The following AGBL4 variants were observed in gnomAD, a reference collection of about 807,000 sequenced individuals.
AGBL4 encodes the protein AGBL carboxypeptidase 4.
A neutral mutation model predicts 66.4 loss-of-function variants in AGBL4; 58 were observed. That is an observed-to-expected ratio of 0.87 (90% CI 0.71 to 1.09). The LOEUF (loss-of-function observed/expected upper bound fraction) is 1.09. Among genes scored for constraint, AGBL4 ranks in the 50% least tolerant of loss-of-function variants. The probability of loss-of-function intolerance (pLI) is 0.00; values close to 1 mark genes in which losing one functional copy is unlikely to be tolerated. For synonymous variants in AGBL4, 234 were observed against 222.9 expected, an observed-to-expected ratio of 1.05 and a Z score of -0.44; for missense variants, 579 against 631.0, an observed-to-expected ratio of 0.92 and a Z score of 0.88.
intron 5 of AGBL4, among the ~76,000 whole-genome samples, chr1:48,917,297 A>C (rs1340006422): frequency 6.6e-6 from 1 of 152,142 alleles, no homozygotes; most frequent in Non-Finnish European, 1.5e-5. Flanking sequence ...ATAATTAAAT[A>C]AAATTAATTT....
chr1:49,610,801 T>C (rs978634540), intron 3 of AGBL4, among the ~76,000 whole-genome samples: 2 of 152,204 alleles, frequency 1.3e-5, no homozygotes, highest in African/African-American at 4.8e-5. Flanking sequence ...CAGTCTAAGA[T>C]ATTTTGTTAT....
intron 4 of AGBL4, among the ~76,000 whole-genome samples, chr1:49,102,349 A>G (rs1381422994): frequency 1.3e-5 from 2 of 152,188 alleles, no homozygotes; most frequent in Admixed American, 1.3e-4. Context: ...ATATATCAGT[A>G]TAAAGGGGTG....
At chr1:49,592,350 C>A (rs1644767519) in intron 3 of AGBL4, among the ~76,000 whole-genome samples, 1 of 152,166 alleles carries the variant, frequency 6.6e-6, no homozygotes, top group African/African-American at 2.4e-5. Flanking sequence ...GAGGGCAGAT[C>A]ATTTGAGGTC....
chr1:49,230,721 C>T (rs80176349), intron 4 of AGBL4, among the ~76,000 whole-genome samples: 2 of 152,264 alleles, frequency 1.3e-5, no homozygotes, highest in East Asian at 3.9e-4. Context: ...TGTTCCTTTT[C>T]TTCTCACTAG....
At chr1:49,080,954 A>T (rs1186875710) in intron 4 of AGBL4, among the ~76,000 whole-genome samples, 3 of 152,194 alleles carry the variant, frequency 2.0e-5, no homozygotes, top group Non-Finnish European at 4.4e-5. Flanking sequence ...TTGTTTCTCT[A>T]AAACAATTAG....
intron 6 of AGBL4, among the ~76,000 whole-genome samples, chr1:48,769,734 C>G (rs1244919983): frequency 6.6e-6 from 1 of 152,178 alleles, no homozygotes; most frequent in Non-Finnish European, 1.5e-5. Context: ...TGAGAACCTA[C>G]TATATGCCAG....
chr1:49,036,355 C>T (rs1298866340), intron 5 of AGBL4, among the ~76,000 whole-genome samples: 1 of 151,882 alleles, frequency 6.6e-6, no homozygotes, highest in African/African-American at 2.4e-5. Context: ...GCTTAGATTC[C>T]CTGTGTAGTT....
At chr1:48,901,647 T>G (rs987880731) in intron 5 of AGBL4, among the ~76,000 whole-genome samples, 4 of 152,184 alleles carry the variant, frequency 2.6e-5, no homozygotes, top group Non-Finnish European at 4.4e-5. Context: ...TCCATTTTTA[T>G]AAAATTTTAG....
intron 4 of AGBL4, among the ~76,000 whole-genome samples, chr1:49,086,943 C>G (rs1644918379): frequency 6.6e-6 from 1 of 151,904 alleles, no homozygotes; most frequent in Non-Finnish European, 1.5e-5. Flanking sequence ...CTTCAAGGCT[C>G]AGGAGTGGTC....
At position 49,574,303 on chromosome 1, in the gene AGBL4, C is replaced by T. The variant is rs183921633; in HGVS notation, c.282+123010G>A. Among the ~76,000 whole-genome samples, 408 of 152,232 alleles carry T rather than the reference C, an allele frequency of 2.7e-3. 1 individual carries two copies. The highest frequency in any genetic ancestry group is 9.3e-3 in the African/African-American group (385 of 41,538). On this transcript the variant is annotated intron_variant, in intron 3 of 13. Transcript: ENST00000371839. ...TTGATTTGGGACCACTAAGTAGGGACTCTGCTTTTAATGTTGCAGCTCACG... is the reference window on the plus strand; with the variant it reads ...TTGATTTGGGACCACTAAGTAGGGATTCTGCTTTTAATGTTGCAGCTCACG...
chr1:48,998,619 T>C (rs2148988154), intron 5 of AGBL4, among the ~76,000 whole-genome samples: 1 of 152,294 alleles, frequency 6.6e-6, no homozygotes, highest in Admixed American at 6.5e-5. Context: ...TTCAATCATC[T>C]AGAACCCAAG....
chr1:49,873,675 C>G (rs1430769919), intron 1 of AGBL4, among the ~76,000 whole-genome samples: 1 of 152,030 alleles, frequency 6.6e-6, no homozygotes, highest in African/African-American at 2.4e-5. Flanking sequence ...CCATATCCTC[C>G]CTGTTTCCTG....
chr1:49,888,250 A>G (rs1295226684), intron 1 of AGBL4, among the ~76,000 whole-genome samples: 1 of 152,190 alleles, frequency 6.6e-6, no homozygotes, highest in African/African-American at 2.4e-5. Context: ...TTAATTGATC[A>G]ATATTATAAA....
In AGBL4 at chr1:48,575,337, A is replaced by T. The variant is rs530181212; in HGVS notation, c.1267+11667T>A. Reference sequence around the variant, plus strand: ...GATTTACTTTCAGAGCCGATCTCCCAGGAACACATCCTTTTAAAGATGAAA... The same window carrying T: ...GATTTACTTTCAGAGCCGATCTCCCTGGAACACATCCTTTTAAAGATGAAA... On this transcript the variant is annotated intron_variant, in intron 11 of 13. Coordinates refer to ENST00000371839, the MANE Select transcript of AGBL4 (RefSeq NM_032785.4). Among the ~76,000 whole-genome samples, 3 of 152,326 alleles carry T rather than the reference A, an allele frequency of 2.0e-5. No homozygotes were observed. The South Asian group carries it at 6.2e-4, about 32-fold the overall frequency.
At chr1:49,403,556 G>C (rs1326891730) in intron 3 of AGBL4, among the ~76,000 whole-genome samples, 1 of 152,034 alleles carries the variant, frequency 6.6e-6, no homozygotes, top group Admixed American at 6.6e-5. Context: ...TGTCTGAAAG[G>C]TCACATATCT....
chr1:48,908,891 C>T (rs1459589559), intron 5 of AGBL4, among the ~76,000 whole-genome samples: 1 of 149,236 alleles, frequency 6.7e-6, no homozygotes, highest in East Asian at 2.0e-4. Context: ...CTTTTATGTT[C>T]CTATATAGGC....
At chr1:49,402,815 C>T (rs945931460) in intron 3 of AGBL4, among the ~76,000 whole-genome samples, 5 of 152,214 alleles carry the variant, frequency 3.3e-5, no homozygotes, top group African/African-American at 7.2e-5. Flanking sequence ...GATCTGCCCG[C>T]CTTGGCCTCC....
intron 4 of AGBL4, among the ~76,000 whole-genome samples, chr1:49,122,767 G>T (rs1401390645): frequency 6.6e-6 from 1 of 152,122 alleles, no homozygotes; most frequent in African/African-American, 2.4e-5. Context: ...TTTTTTATAA[G>T]GATTGAATGA....
At chr1:48,859,103 G>A (rs765098425) in intron 6 of AGBL4, among the ~76,000 whole-genome samples, 28 of 151,958 alleles carry the variant, frequency 1.8e-4, no homozygotes, top group Non-Finnish European at 3.4e-4. Flanking sequence ...GGGGAGAGTC[G>A]TGGCTCCTCA....
Sources: gnomAD v4.1 joint callset for allele counts (sites outside exome capture counted in the v4.1 genomes callset) on GRCh38, gnomAD v4.1.1 for gene constraint, MANE v1.5 for transcripts, NCBI Gene and HGNC (gene_info 2026-07-23, HGNC 2026-07-21) for gene names.